COL21A1: variants seen among roughly 807,000 people sequenced by gnomAD.
COL21A1 encodes the protein collagen type XXI alpha 1 chain.
Under a neutral mutation model 137.9 loss-of-function variants are expected in COL21A1, and 149 were observed. The observed-to-expected ratio is 1.08, with a 90% confidence interval of 0.95 to 1.24. COL21A1 has a LOEUF of 1.24. COL21A1 is among the 50% of genes most tolerant of loss of function. COL21A1 has a pLI of 0.00. For synonymous variants in COL21A1, 456 were observed against 391.5 expected (o/e 1.16, Z -1.95); for missense variants, 1,167 against 1,158.4 (o/e 1.01, Z -0.11).
chr6:56,317,436 G>C (rs1764763975), intron 1 of COL21A1, among the ~76,000 whole-genome samples: 1 of 152,006 alleles, frequency 6.6e-6, no homozygotes, highest in Non-Finnish European at 1.5e-5. Flanking sequence ...CAGACCCCTA[G>C]GTGATTCCTC....
chr6:56,295,028 T>C (rs756574105), intron 1 of COL21A1, among the ~76,000 whole-genome samples: 10 of 152,184 alleles, frequency 6.6e-5, no homozygotes, highest in Non-Finnish European at 1.5e-4. Flanking sequence ...TAAGAGTTTC[T>C]CCTGTGTTAT....
chr6:56,288,635 C>T (rs1212196915), intron 1 of COL21A1, among the ~76,000 whole-genome samples: 1 of 152,166 alleles, frequency 6.6e-6, no homozygotes, highest in Non-Finnish European at 1.5e-5. Context: ...CTTATGATCA[C>T]CTGTCACTCA....
intron 1 of COL21A1, among the ~76,000 whole-genome samples, chr6:56,244,110 C>T (rs570270966): frequency 2.4e-4 from 37 of 152,080 alleles, no homozygotes; most frequent in Non-Finnish European, 4.6e-4. Flanking sequence ...TGAAAATGAA[C>T]CTAAATGAAT....
At chr6:56,083,540 G>C (rs1766512059) in intron 17 of COL21A1, among the ~76,000 whole-genome samples, 2 of 151,966 alleles carry the variant, frequency 1.3e-5, no homozygotes, top group Non-Finnish European at 2.9e-5. Context: ...GCTGTGGAAA[G>C]TACCAGGTTC....
At chr6:56,218,413 T>C (rs1780621054) in intron 1 of COL21A1, among the ~76,000 whole-genome samples, 1 of 152,078 alleles carries the variant, frequency 6.6e-6, no homozygotes, top group Admixed American at 6.6e-5. Context: ...TCTTTAACTG[T>C]ATAGTAAAAT....
intron 10 of COL21A1, among the ~76,000 whole-genome samples, chr6:56,156,671 C>T (rs995185625): frequency 9.2e-5 from 14 of 152,200 alleles, no homozygotes; most frequent in African/African-American, 3.1e-4. Flanking sequence ...TGATCAACCT[C>T]CCATCTAAAG....
chr6:56,337,530 G>T (rs1765357504), intron 1 of COL21A1, among the ~76,000 whole-genome samples: 1 of 152,222 alleles, frequency 6.6e-6, no homozygotes, highest in African/African-American at 2.4e-5. Flanking sequence ...TTCTGGTTTA[G>T]GGCTTCAGCT....
intron 17 of COL21A1, among the ~76,000 whole-genome samples, chr6:56,099,191 C>T (rs915123391): frequency 6.0e-5 from 9 of 149,258 alleles, no homozygotes; most frequent in African/African-American, 1.2e-4. Flanking sequence ...AAATAACTAA[C>T]TCACAAACAT....
chr6:56,237,038 A>G (rs1781950093), intron 1 of COL21A1, among the ~76,000 whole-genome samples: 1 of 152,100 alleles, frequency 6.6e-6, no homozygotes, highest in African/African-American at 2.4e-5. Flanking sequence ...ACAGCTTTTG[A>G]TGAGAGCAAA....
chr6:56,233,126 C>G (rs1781687111), intron 1 of COL21A1, among the ~76,000 whole-genome samples: 2 of 151,752 alleles, frequency 1.3e-5, no homozygotes, highest in Admixed American at 1.3e-4. Context: ...GGCACTTAGA[C>G]TAGACTGACA....
intron 3 of COL21A1, among the ~76,000 whole-genome samples, chr6:56,177,698 A>G (rs1180289197): frequency 6.7e-6 from 1 of 149,024 alleles, no homozygotes; most frequent in Non-Finnish European, 1.5e-5. Context: ...AGGCTGAGGC[A>G]GGAGAATGGC....
intron 23 of COL21A1, 56 bp downstream of exon 23, chr6:56,067,239 T>TA: frequency 7.0e-7 from 1 of 1,427,290 alleles, no homozygotes. Flanking sequence ...AAATAAGAAC[T>TA]TTTTAAAAGC....
intron 24 of COL21A1, among the ~76,000 whole-genome samples, chr6:56,063,285 T>C (rs940828781): frequency 5.3e-5 from 8 of 152,298 alleles, no homozygotes; most frequent in Middle Eastern, 3.4e-3. Context: ...GTTCAAATTC[T>C]AAAGGAAATA....
intron 10 of COL21A1, among the ~76,000 whole-genome samples, chr6:56,151,783 G>A (rs1181950638): frequency 6.6e-6 from 1 of 152,074 alleles, no homozygotes; most frequent in Non-Finnish European, 1.5e-5. Context: ...CCAGCCAGAG[G>A]CCCCACCCAC....
At chr6:56,301,361 T>A (rs1764274938) in intron 1 of COL21A1, among the ~76,000 whole-genome samples, 1 of 152,114 alleles carries the variant, frequency 6.6e-6, no homozygotes, top group South Asian at 2.1e-4. Context: ...ATGCAGGCAT[T>A]CTCTAGAAGC....
At chr6:56,341,191 T>C (rs1765460115) in intron 1 of COL21A1, among the ~76,000 whole-genome samples, 1 of 143,994 alleles carries the variant, frequency 6.9e-6, no homozygotes, top group Admixed American at 7.9e-5. Flanking sequence ...TAAAACTGAA[T>C]GAAAGAAAAG....
chr6:56,332,781 A>G (rs1485769179), intron 1 of COL21A1, among the ~76,000 whole-genome samples: 1 of 152,006 alleles, frequency 6.6e-6, no homozygotes, highest in Admixed American at 6.6e-5. Context: ...AAAAAATAAA[A>G]ACTTCTAAAT....
intron 17 of COL21A1, among the ~76,000 whole-genome samples, chr6:56,098,986 A>G (rs1770170142): frequency 6.6e-6 from 1 of 150,538 alleles, no homozygotes; most frequent in East Asian, 2.0e-4. Flanking sequence ...AAGTGCTGGG[A>G]TTACAGGCGT....
chr6:56,174,528 C>T (rs538841327), intron 3 of COL21A1, among the ~76,000 whole-genome samples: 30 of 152,002 alleles, frequency 2.0e-4, no homozygotes, highest in East Asian at 1.9e-4. Flanking sequence ...CCACTATGAA[C>T]GACTATATAT....
Sources: gnomAD v4.1 joint callset for allele counts (sites outside exome capture counted in the v4.1 genomes callset) on GRCh38, gnomAD v4.1.1 for gene constraint, MANE v1.5 for transcripts, NCBI Gene and HGNC (gene_info 2026-07-23, HGNC 2026-07-21) for gene names.